Variants in TAF15 observed in about 807,000 individuals in gnomAD.
TAF15 encodes the protein TATA-box binding protein associated factor 15, also known as TATA-binding protein-associated factor 2N.
TAF15 carries 37 observed loss-of-function variants against 102.5 expected under a neutral mutation model. The observed-to-expected ratio is 0.36, with a 90% CI of 0.28 to 0.47. The LOEUF (loss-of-function observed/expected upper bound fraction) is 0.47. Ranked by LOEUF, TAF15 falls within the 20% of genes least tolerant of loss-of-function variation. The pLI is 0.99. For synonymous variants in TAF15, 273 were observed against 259.2 expected (o/e 1.05, Z -0.51); for missense variants, 652 against 760.7 (o/e 0.86, Z 1.68).
intron 7 of TAF15, chr17:35,833,634 T>A (rs2087434166): frequency 2.5e-6 from 1 of 400,632 alleles, no homozygotes; most frequent in Non-Finnish European, 4.6e-6. Flanking sequence ...GGTTTAATAG[T>A]ATCCCTTTGG....
At chr17:35,820,108 G>A (rs2143758547) in intron 3 of TAF15, 33 bp downstream of exon 3, 1 of 1,613,806 alleles carries the variant, frequency 6.2e-7, no homozygotes, top group Non-Finnish European at 8.5e-7. Flanking sequence ...TTCTTCATAA[G>A]TAGTTATTTT....
At chr17:35,824,493 A>G (rs552754998) in intron 7 of TAF15, among the ~76,000 whole-genome samples, 103 of 152,294 alleles carry the variant, frequency 6.8e-4, no homozygotes, top group African/African-American at 2.4e-3. Flanking sequence ...CAGAGCTAGA[A>G]TCTTAACTCC....
chr17:35,820,218 G>T lies in TAF15; in HGVS notation c.154G>T (p.Gly52Cys). ...TTCCTCTTATGGACAGAACTACAGC[G>T]GTTACTCCAGTTATGGACAAAGTCA... ...TDSSYGQNYSGYSSYGQSQSG... is the reference protein window; with the variant it reads ...TDSSYGQNYSCYSSYGQSQSG... Residue 52 changes from glycine to cysteine, a missense_variant, in exon 4 of 16, where the codon GGT becomes TGT. Transcript: ENST00000605844. 1.9e-6 allele frequency: 3 copies of T among 1,614,060 alleles called. No individual in the cohort carries two copies. Among genetic ancestry groups the T allele is most frequent in the East Asian group, 4.5e-5 (2 of 44,874 alleles).
intron 1 of TAF15, chr17:35,809,981 G>C: frequency 2.9e-6 from 1 of 346,228 alleles, no homozygotes; most frequent in South Asian, 3.0e-5. Flanking sequence ...GCGAGGCCTC[G>C]GGCCAGTCAT....
rs2087602109 is a variant in TAF15, at chr17:35,844,865, T to G, written c.1566T>G (p.Tyr522Ter). ...GTTATGGAGGAGATCGAGGAGGCTA[T>G]GGAGGAGACAGAAGCCGGGGGGGCT... is the stretch of plus-strand genomic sequence containing the variant. ...RGGYGGDRGG[Y>*]GGDRSRGGYG... Residue 522 changes from tyrosine (Y) to a stop codon, truncating the protein, a stop_gained, in exon 15 of 16, where the codon TAT becomes TAG. Coordinates refer to ENST00000605844, the MANE Select transcript of TAF15 (RefSeq NM_139215.3). LOFTEE classifies it high-confidence loss of function. The G allele has an allele frequency of 6.2e-7, 1 of 1,609,286 alleles. No homozygotes were observed. Among genetic ancestry groups the G allele is most frequent in the Non-Finnish European group, 8.5e-7 (1 of 1,178,810 alleles).
chr17:35,813,245 G>T (rs1008665514), intron 1 of TAF15, among the ~76,000 whole-genome samples: 1 of 151,916 alleles, frequency 6.6e-6, no homozygotes, highest in Non-Finnish European at 1.5e-5. Flanking sequence ...AGACCTAGCA[G>T]AAGAAAGAAT....
chr17:35,844,482 C>A lies in TAF15; in HGVS notation c.1183C>A (p.Arg395=). The change falls in exon 15 of 16, where the codon CGG becomes AGG. Residue 395 remains arginine, a synonymous_variant. Transcript: ENST00000605844. ...EDSRPSGGDF[R]GRGYGGERGY... Reference sequence around the variant, plus strand: ...TTTGCATTTCTACCTTGCAGATTTCCGGGGGAGAGGCTACGGTGGAGAGAG... The same window carrying A: ...TTTGCATTTCTACCTTGCAGATTTCAGGGGGAGAGGCTACGGTGGAGAGAG... The A allele has an allele frequency of 1.9e-6, 3 of 1,613,006 alleles. No homozygotes were observed. The highest frequency in any genetic ancestry group is 2.2e-5 in the East Asian group (1 of 44,818).
intron 11 of TAF15, among the ~76,000 whole-genome samples, chr17:35,841,944 T>C (rs2087552974): frequency 6.6e-6 from 1 of 152,128 alleles, no homozygotes; most frequent in Non-Finnish European, 1.5e-5. Context: ...GTGAGGCTTC[T>C]ATCTCAGCCT....
chr17:35,844,064 C>A lies in TAF15; in HGVS notation c.1007-13C>A, dbSNP rs2087579399. On this transcript the variant is annotated splice_polypyrimidine_tract_variant and intron_variant, in intron 12 of 15. Transcript: ENST00000605844. The stretch of plus-strand genomic sequence containing the variant: ...CTGCTGCTGATTTTTCTCCCCTGGC[C>A]CCATCCCCCTAGGCCGTGGAGGATA... The A allele has an allele frequency of 1.2e-6, 2 of 1,613,254 alleles. No homozygotes were observed. Among genetic ancestry groups the A allele is most frequent in the African/African-American group, 2.7e-5 (2 of 74,876 alleles).
chr17:35,811,288 T>A (rs2087121391), intron 1 of TAF15: 1 of 152,232 alleles, frequency 6.6e-6, no homozygotes, highest in Non-Finnish European at 1.5e-5. Flanking sequence ...ATAAGCTGGC[T>A]TAATCATTAG....
intron 1 of TAF15, among the ~76,000 whole-genome samples, chr17:35,814,592 C>T (rs2087170673): frequency 6.6e-6 from 1 of 151,930 alleles, no homozygotes. Flanking sequence ...AACAGGCCCA[C>T]CTGTAATCCC....
At chr17:35,834,357 C>G (rs752227531) in intron 8 of TAF15, 7 of 577,866 alleles carry the variant, frequency 1.2e-5, no homozygotes, top group South Asian at 2.3e-5. Flanking sequence ...CTGTCTAGGA[C>G]AAGTTAAAGG....
rs1598522865 is a variant in TAF15 at position 35,819,923 on chromosome 17, A to G, written c.48-101A>G. ...GAGATTGATGATTTCTCAGCAAAGA[A>G]GCTTGTATTTGAGTTGAAAGTTGAA... On this transcript the variant is annotated intron_variant, in intron 2 of 15. Coordinates refer to ENST00000605844, the MANE Select transcript of TAF15 (RefSeq NM_139215.3). 6.0e-6 allele frequency: 6 copies of G among 997,034 alleles called. No homozygotes were observed. The East Asian group carries it at 1.0e-4, about 17-fold the overall frequency. 61.8% of individuals were successfully genotyped at this position (997,034 alleles called of 1,614,324 possible).
At chr17:35,809,628 G>T (rs2087100453) in intron 1 of TAF15, 52 bp downstream of exon 1, 1 of 1,612,224 alleles carries the variant, frequency 6.2e-7, no homozygotes, top group Non-Finnish European at 8.5e-7. Context: ...TCCTGGCGGG[G>T]TTGGGCTGTC....
chr17:35,839,858 GGTA>G (rs1169474438), intron 11 of TAF15, among the ~76,000 whole-genome samples: 3 of 152,010 alleles, frequency 2.0e-5, no homozygotes, highest in Non-Finnish European at 4.4e-5. Context: ...AACATTTAAA[GGTA>G]GTCATTTCCC....
chr17:35,824,240 T>TC, intron 7 of TAF15, 42 bp downstream of exon 7: 1 of 1,561,388 alleles, frequency 6.4e-7, no homozygotes. Context: ...TTCTTCTTCC[T>TC]CTTTTTTTTT....
intron 9 of TAF15, among the ~76,000 whole-genome samples, chr17:35,835,268 G>A (rs953179895): frequency 6.6e-6 from 1 of 152,144 alleles, no homozygotes; most frequent in Non-Finnish European, 1.5e-5. Flanking sequence ...ATTTAAGAAA[G>A]AAAATCCTAC....
chr17:35,840,313 G>A (rs2087528702), intron 11 of TAF15, among the ~76,000 whole-genome samples: 1 of 144,242 alleles, frequency 6.9e-6, no homozygotes. Flanking sequence ...GTGCAGTGGC[G>A]CAATCTCGGC....
chr17:35,810,779 C>T (rs930777834), intron 1 of TAF15: 1 of 152,150 alleles, frequency 6.6e-6, no homozygotes, highest in Non-Finnish European at 1.5e-5. Flanking sequence ...TCTGAGAAGA[C>T]TACAAATTAG....
Sources: gnomAD v4.1 joint callset for allele counts (sites outside exome capture counted in the v4.1 genomes callset) on GRCh38, gnomAD v4.1.1 for gene constraint, MANE v1.5 for transcripts, NCBI Gene and HGNC (gene_info 2026-07-23, HGNC 2026-07-21) for gene names.